Variants in B3GAT1 observed in about 807,000 individuals in gnomAD.
B3GAT1 encodes galactosylgalactosylxylosylprotein 3-beta-glucuronosyltransferase 1.
A neutral mutation model predicts 28.4 loss-of-function variants in B3GAT1; 11 were observed. The observed-to-expected ratio is 0.39, with a 90% CI of 0.24 to 0.64. The LOEUF (loss-of-function observed/expected upper bound fraction) is 0.64, where lower values mean the gene tolerates loss of function less well. Ranked by LOEUF, B3GAT1 falls within the 30% of genes least tolerant of loss-of-function variation. The pLI is 0.50. For missense variants in B3GAT1, 375 were observed against 491.0 expected (o/e 0.76, Z 2.23); for synonymous variants, 255 against 223.1 (o/e 1.14, Z -1.27).
Position 134,381,955 on chromosome 11 carries a change from G to A in B3GAT1, c.988C>T (p.Pro330Ser). The A allele has an allele frequency of 6.2e-7, 1 of 1,614,000 alleles. No individual in the cohort carries two copies. Among genetic ancestry groups the A allele is most frequent in the Non-Finnish European group, 8.5e-7 (1 of 1,180,012 alleles). ...CCTGAGGCTCAGATCTCCACCGAGGGGTCAGTGAAGCCCTTCTTGCCCTCA... is the reference window on the plus strand; with the variant it reads ...CCTGAGGCTCAGATCTCCACCGAGGAGTCAGTGAAGCCCTTCTTGCCCTCA... ...VNEGKKGFTDPSVEI is the reference protein window; with the variant it reads ...VNEGKKGFTDSSVEI Residue 330 changes from proline (P) to serine (S), a missense_variant, in exon 5 of 6, where the codon CCC (proline) becomes TCC (serine). Physicochemically the swap from Pro to Ser is moderately conservative, Grantham distance 74 (BLOSUM62 -1). Transcript: ENST00000312527.
intron 1 of B3GAT1, among the ~76,000 whole-genome samples, chr11:134,404,235 T>C (rs1944685933): frequency 6.6e-6 from 1 of 151,512 alleles, no homozygotes; most frequent in African/African-American, 2.4e-5. Flanking sequence ...GTGTTCTCAT[T>C]GTTCAATTCC....
rs867307330 is a variant in B3GAT1, at chr11:134,387,667, G to A, written c.-8C>T. The A allele has an allele frequency of 3.7e-6, 6 of 1,613,880 alleles. No homozygotes were observed. In the African/African-American group the frequency reaches 6.7e-5, roughly 18 times the overall value. On this transcript the variant is annotated 5_prime_UTR_variant, in exon 2 of 6. Coordinates refer to ENST00000312527, the MANE Select transcript of B3GAT1 (RefSeq NM_054025.3). The stretch of plus-strand genomic sequence containing the variant: ...GTCCCGTCTCTTCGGCATCTCCAAG[G>A]CTGGCTGCACCCACGGCTCCTCATT...
chr11:134,403,881 A>G (rs1018198919), intron 1 of B3GAT1, among the ~76,000 whole-genome samples: 83 of 150,860 alleles, frequency 5.5e-4, no homozygotes, highest in African/African-American at 1.4e-3. Flanking sequence ...TGAGGTATCC[A>G]GAGTAGTAAA....
intron 1 of B3GAT1, among the ~76,000 whole-genome samples, chr11:134,405,819 A>G (rs551619437): frequency 6.6e-6 from 1 of 152,236 alleles, no homozygotes; most frequent in South Asian, 2.1e-4. Flanking sequence ...AACTTCTGGG[A>G]GAAGGCTGGC....
At position 134,384,158 on chromosome 11, in the gene B3GAT1, G is replaced by A. The variant is rs1424767144; in HGVS notation, c.143C>T (p.Pro48Leu). The part of the protein sequence containing the change: ...DEGSDPRRET[P>L]PGADPREYCT... Reference sequence around the variant, plus strand: ...GTACTCCCTGGGGTCGGCGCCGGGCGGCGTTTCGCGTCGGGGGTCACTGCC... The same window carrying A: ...GTACTCCCTGGGGTCGGCGCCGGGCAGCGTTTCGCGTCGGGGGTCACTGCC... Residue 48 changes from proline (P) to leucine (L), a missense_variant, in exon 3 of 6, where the codon CCG (proline) becomes CTG (leucine). Pro to Leu is a moderately conservative substitution (Grantham distance 98). Transcript: ENST00000312527. 1 of 1,554,654 alleles carries A rather than the reference G, an allele frequency of 6.4e-7. No homozygotes were observed. Among genetic ancestry groups the A allele is most frequent in the Admixed American group, 1.7e-5 (1 of 57,766 alleles).
intron 1 of B3GAT1, among the ~76,000 whole-genome samples, chr11:134,404,655 C>G (rs1197634344): frequency 1.3e-5 from 2 of 152,120 alleles, no homozygotes; most frequent in Non-Finnish European, 2.9e-5. Context: ...GGGAGGCCCC[C>G]CTCCAAGGCT....
chr11:134,384,012 C>A lies in B3GAT1; in HGVS notation c.289G>T (p.Val97Leu). 6.2e-7 allele frequency: 1 copy of A among 1,605,324 alleles called. No homozygotes were observed. The highest frequency in any genetic ancestry group is 1.1e-5 in the South Asian group (1 of 90,912). Residue 97 changes from valine to leucine, a missense_variant, in exon 3 of 6, where the codon GTG becomes TTG. By Grantham distance (32) the Val-to-Leu change is conservative (BLOSUM62 1). Coordinates refer to ENST00000312527, the MANE Select transcript of B3GAT1 (RefSeq NM_054025.3). Reference protein sequence around the residue: ...HVVTPTYSRPVQKAELTRMAN... With the variant: ...HVVTPTYSRPLQKAELTRMAN... ...ATGCGCGTCAGCTCGGCCTTCTGCA[C>A]CGGGCGGCTGTAGGTGGGCGTCACC... is the stretch of plus-strand genomic sequence containing the variant.
At chr11:134,396,031 T>C (rs989620189) in intron 1 of B3GAT1, among the ~76,000 whole-genome samples, 3 of 152,162 alleles carry the variant, frequency 2.0e-5, no homozygotes, top group African/African-American at 7.2e-5. Flanking sequence ...TTGCAGATCC[T>C]TGCCACATCG....
chr11:134,401,435 C>T (rs571989494), intron 1 of B3GAT1, among the ~76,000 whole-genome samples: 1 of 152,278 alleles, frequency 6.6e-6, no homozygotes, highest in African/African-American at 2.4e-5. Flanking sequence ...TTTGCAGCAA[C>T]ATGGTTGCAG....
intron 1 of B3GAT1, among the ~76,000 whole-genome samples, chr11:134,410,977 A>G (rs1317673458): frequency 6.6e-6 from 1 of 152,188 alleles, no homozygotes; most frequent in Non-Finnish European, 1.5e-5. Flanking sequence ...TTCTACAAGA[A>G]TCCATGCAGC....
In B3GAT1 at chr11:134,379,576, A is replaced by C. The variant is rs1944082029; in HGVS notation, c.*1186T>G. Reference sequence around the variant, plus strand: ...GCATGCTCCTGACTTAGGGAGAAATAACATTTTCTTTCCCTTTTTTGTGTT... The same window carrying C: ...GCATGCTCCTGACTTAGGGAGAAATCACATTTTCTTTCCCTTTTTTGTGTT... On this transcript the variant is annotated 3_prime_UTR_variant, in exon 6 of 6. Coordinates refer to ENST00000312527, the MANE Select transcript of B3GAT1 (RefSeq NM_054025.3). The C allele has an allele frequency of 6.6e-6, 1 of 152,320 alleles. No homozygotes were observed. The highest frequency in any genetic ancestry group is 2.1e-4 in the South Asian group (1 of 4,830). The allele number at this position is 152,320 out of a possible 1,614,324, so 9.4% of individuals were successfully genotyped here.
In B3GAT1 at chr11:134,411,389, G is replaced by A. The variant is rs1944849958; in HGVS notation, c.-282+418C>T. Among the ~76,000 whole-genome samples the A allele has an allele frequency of 6.6e-6, 1 of 152,122 alleles. No homozygotes were observed. Among genetic ancestry groups the A allele is most frequent in the Admixed American group, 6.5e-5 (1 of 15,290 alleles). Reference sequence around the variant, plus strand: ...TGGCAGTGCCCAGGAGCCAGAGAGCGATCCAGAGAGCGCTGTTGGGCAGCA... The same window carrying A: ...TGGCAGTGCCCAGGAGCCAGAGAGCAATCCAGAGAGCGCTGTTGGGCAGCA... On this transcript the variant is annotated intron_variant, in intron 1 of 5. Coordinates refer to ENST00000312527, the MANE Select transcript of B3GAT1 (RefSeq NM_054025.3). The surrounding 1 kb of genome is among the most constrained non-coding windows in gnomAD (Gnocchi z 6.0).
chr11:134,397,731 CCAG>C (rs1944531962), intron 1 of B3GAT1, among the ~76,000 whole-genome samples: 1 of 152,266 alleles, frequency 6.6e-6, no homozygotes, highest in African/African-American at 2.4e-5. Context: ...CCATTGCAAA[CCAG>C]CACCTGTCTC....
At chr11:134,389,897 C>T (rs1241838288) in intron 1 of B3GAT1, 1 of 152,004 alleles carries the variant, frequency 6.6e-6, no homozygotes, top group African/African-American at 2.4e-5. Flanking sequence ...GATTTGTCTT[C>T]CATTAAGGAG....
At position 134,412,237 on chromosome 11, in the gene B3GAT1, G is replaced by A. The variant is rs1160529536; in HGVS notation, c.-712C>T. Among the ~76,000 whole-genome samples the A allele has an allele frequency of 6.9e-6, 1 of 145,252 alleles. No homozygotes were observed. The highest frequency in any genetic ancestry group is 1.5e-5 in the Non-Finnish European group (1 of 65,438). ...GCGGCGGATGCGCCGGTGCCGCCGC[G>A]GCTCTGCCGGCGCCTCCCGCCCCGC... On this transcript the variant is annotated 5_prime_UTR_variant, in exon 1 of 6. Coordinates refer to ENST00000312527, the MANE Select transcript of B3GAT1 (RefSeq NM_054025.3).
Position 134,412,006 on chromosome 11 carries a change from C to T in B3GAT1, c.-481G>A, listed in dbSNP as rs1460152390. Reference sequence around the variant, plus strand: ...GCCCGCCCCGCCCGGCCCCGCCGCCCCGGCCCGGCTCGTTCTGGGCTCAGC... The same window carrying T: ...GCCCGCCCCGCCCGGCCCCGCCGCCTCGGCCCGGCTCGTTCTGGGCTCAGC... On this transcript the variant is annotated 5_prime_UTR_variant, in exon 1 of 6. Coordinates refer to ENST00000312527, the MANE Select transcript of B3GAT1 (RefSeq NM_054025.3). 1 of 147,458 alleles carries T rather than the reference C, an allele frequency of 6.8e-6. No homozygotes were observed. The highest frequency in any genetic ancestry group is 2.0e-4 in the South Asian group (1 of 5,004). 9.1% of individuals were successfully genotyped at this position (147,458 alleles called of 1,614,324 possible).
At chr11:134,384,442 T>G (rs1944225124) in intron 2 of B3GAT1, 4 of 497,740 alleles carry the variant, frequency 8.0e-6, no homozygotes, top group Admixed American at 3.6e-5. Context: ...TCTAGCTATT[T>G]GAGCGCAGTT....
intron 1 of B3GAT1, among the ~76,000 whole-genome samples, chr11:134,407,999 G>A (rs1202721931): frequency 3.9e-5 from 6 of 152,074 alleles, no homozygotes; most frequent in African/African-American, 1.5e-4. Context: ...ACCATTTGCT[G>A]ATAAATTGGA....
intron 4 of B3GAT1, 67 bp from the exon 5 acceptor site, chr11:134,382,091 C>A: frequency 1.5e-6 from 2 of 1,293,136 alleles, no homozygotes. Flanking sequence ...CCTCCCTGCT[C>A]CCTCCCACAC....
Sources: gnomAD v4.1 joint callset for allele counts (sites outside exome capture counted in the v4.1 genomes callset) on GRCh38, gnomAD v4.1.1 for gene constraint, Gnocchi (gnomAD v3.1) non-coding constraint, MANE v1.5 for transcripts, NCBI Gene and HGNC (gene_info 2026-07-23, HGNC 2026-07-21) for gene names.